CADM2: variants seen among roughly 807,000 people sequenced by gnomAD.
The protein encoded by CADM2 is immunoglobulin superfamily member 4D.
In CADM2, 12 loss-of-function variants were observed where a neutral mutation model predicts 49.8. That is an observed-to-expected ratio of 0.24 (90% CI 0.15 to 0.39). The LOEUF (loss-of-function observed/expected upper bound fraction) is 0.39, where lower values mean the gene tolerates loss of function less well. CADM2 is among the 10% of genes least tolerant of loss of function. CADM2 has a pLI of 1.00. For synonymous variants in CADM2, 214 were observed against 175.4 expected (o/e 1.22, Z -1.74); for missense variants, 378 against 492.3 (o/e 0.77, Z 2.20).
At chr3:85,065,270 A>C (rs1179370664) in intron 1 of CADM2, among the ~76,000 whole-genome samples, 3 of 152,082 alleles carry the variant, frequency 2.0e-5, no homozygotes, top group African/African-American at 7.2e-5. Context: ...ATTTGACTCT[A>C]TATTTTCTTA....
intron 1 of CADM2, among the ~76,000 whole-genome samples, chr3:85,106,559 C>T (rs1232886560): frequency 6.6e-6 from 1 of 152,050 alleles, no homozygotes; most frequent in Non-Finnish European, 1.5e-5. Flanking sequence ...CCATGGTATG[C>T]TCTGGGAAAA....
chr3:85,552,503 A>C (rs1167009950), intron 1 of CADM2, among the ~76,000 whole-genome samples: 5 of 135,036 alleles, frequency 3.7e-5, no homozygotes, highest in South Asian at 2.4e-4. Context: ...GCCTCAGCCT[A>C]CCGAGTAGCT....
intron 1 of CADM2, among the ~76,000 whole-genome samples, chr3:85,694,981 G>A (rs1241904135): frequency 6.6e-6 from 1 of 151,818 alleles, no homozygotes; most frequent in Non-Finnish European, 1.5e-5. Flanking sequence ...TAACTAATTG[G>A]CTCTAAAAGG....
At chr3:85,065,713 C>A (rs1310542935) in intron 1 of CADM2, among the ~76,000 whole-genome samples, 1 of 152,052 alleles carries the variant, frequency 6.6e-6, no homozygotes, top group Non-Finnish European at 1.5e-5. Flanking sequence ...CAGCAGGTAA[C>A]CTGGGCCATA....
intron 8 of CADM2, among the ~76,000 whole-genome samples, chr3:85,998,874 T>C (rs1729765405): frequency 6.6e-6 from 1 of 152,160 alleles, no homozygotes; most frequent in East Asian, 1.9e-4. Context: ...TTTGGGAAAG[T>C]AAAATTGACA....
chr3:85,161,424 T>C (rs1192823491), intron 1 of CADM2, among the ~76,000 whole-genome samples: 2 of 152,116 alleles, frequency 1.3e-5, no homozygotes, highest in African/African-American at 4.8e-5. Flanking sequence ...TTAGGTCCTA[T>C]GGCAGGGCTG....
intron 1 of CADM2, among the ~76,000 whole-genome samples, chr3:85,601,624 C>A (rs2063409410): frequency 6.6e-6 from 1 of 151,300 alleles, no homozygotes; most frequent in African/African-American, 2.4e-5. Context: ...GGCTAATTTA[C>A]ACTATTTTTA....
chr3:85,731,160 C>A (rs1480427335), intron 2 of CADM2, among the ~76,000 whole-genome samples: 2 of 152,088 alleles, frequency 1.3e-5, no homozygotes, highest in Non-Finnish European at 2.9e-5. Flanking sequence ...TTTGGAATCC[C>A]AGGCTACCCA....
intron 1 of CADM2, among the ~76,000 whole-genome samples, chr3:85,034,794 T>G (rs2035141566): frequency 7.6e-6 from 1 of 131,454 alleles, no homozygotes; most frequent in Non-Finnish European, 1.7e-5. Context: ...ATTTTGCTTT[T>G]TTTTTTTTTT....
At chr3:85,571,153 G>A (rs763761666) in intron 1 of CADM2, among the ~76,000 whole-genome samples, 6 of 152,030 alleles carry the variant, frequency 3.9e-5, no homozygotes, top group Non-Finnish European at 5.9e-5. Flanking sequence ...TCATCCTGAA[G>A]TGATGATTTC....
chr3:85,479,625 G>C (rs1374312155), intron 1 of CADM2, among the ~76,000 whole-genome samples: 1 of 151,774 alleles, frequency 6.6e-6, no homozygotes, highest in Non-Finnish European at 1.5e-5. Context: ...CTTCTCTCTT[G>C]GATTGAATCT....
chr3:85,159,380 A>T (rs28548622), intron 1 of CADM2, among the ~76,000 whole-genome samples: 1 of 151,944 alleles, frequency 6.6e-6, no homozygotes, highest in South Asian at 2.1e-4. Flanking sequence ...ATTTTAAGGG[A>T]ATTGTGGAAG....
chr3:85,994,609 C>A (rs1156448027), intron 8 of CADM2: 1 of 152,168 alleles, frequency 6.6e-6, no homozygotes, highest in East Asian at 1.9e-4. Context: ...TTTCTAGCTT[C>A]TGATTCAAAG....
chr3:85,143,261 TTG>T (rs2039632289), intron 1 of CADM2, among the ~76,000 whole-genome samples: 1 of 152,140 alleles, frequency 6.6e-6, no homozygotes, highest in South Asian at 2.1e-4. Flanking sequence ...GACAGAAGGA[TTG>T]CTTGAGCCCA....
chr3:85,448,833 G>A (rs1559845729), intron 1 of CADM2, among the ~76,000 whole-genome samples: 1 of 151,718 alleles, frequency 6.6e-6, no homozygotes, highest in Non-Finnish European at 1.5e-5. Context: ...TGTGGATCAC[G>A]AGGTCAGGAG....
intron 1 of CADM2, among the ~76,000 whole-genome samples, chr3:85,616,647 C>A (rs1044447379): frequency 6.6e-6 from 1 of 152,088 alleles, no homozygotes; most frequent in African/African-American, 2.4e-5. Context: ...CACTGAACAA[C>A]ACTGTCTCAA....
intron 1 of CADM2, among the ~76,000 whole-genome samples, chr3:85,224,595 CT>C (rs2042112323): frequency 6.6e-6 from 1 of 152,136 alleles, no homozygotes; most frequent in Non-Finnish European, 1.5e-5. Flanking sequence ...TGCAGAAGCT[CT>C]TTAGTTTAAT....
At chr3:85,174,906 C>T (rs557014634) in intron 1 of CADM2, among the ~76,000 whole-genome samples, 8 of 151,992 alleles carry the variant, frequency 5.3e-5, no homozygotes, top group Non-Finnish European at 1.2e-4. Context: ...TGTTAAAACT[C>T]GACAATAACA....
At chr3:85,062,292 A>T in intron 1 of CADM2, among the ~76,000 whole-genome samples, 1 of 152,112 alleles carries the variant, frequency 6.6e-6, no homozygotes, top group East Asian at 1.9e-4. Context: ...TCACTCATAA[A>T]TACTCATGGT....
Sources: allele counts gnomAD v4.1 joint callset (sites outside exome capture counted in the v4.1 genomes callset), GRCh38; gene constraint gnomAD v4.1.1; transcripts MANE v1.5; gene names NCBI Gene and HGNC (gene_info 2026-07-23, HGNC 2026-07-21).